The following DZIP3 variants were observed in gnomAD, a reference collection of about 807,000 sequenced individuals.
DZIP3 encodes the protein E3 ubiquitin-protein ligase DZIP3.
In DZIP3, 118 loss-of-function variants were observed where a neutral mutation model predicts 162.0. The ratio of observed to expected loss-of-function variants is 0.73; its 90% CI spans 0.63 to 0.85. The LOEUF (loss-of-function observed/expected upper bound fraction) is 0.85, where lower values mean the gene tolerates loss of function less well. Ranked by LOEUF, DZIP3 falls within the 40% of genes least tolerant of loss-of-function variation. The pLI is 0.00. For missense variants in DZIP3, 1,331 were observed against 1,407.0 expected (o/e 0.95, Z 0.86); for synonymous variants, 438 against 458.6 (o/e 0.96, Z 0.57).
intron 19 of DZIP3, among the ~76,000 whole-genome samples, chr3:108,661,071 A>G (rs1171190933): frequency 1.3e-5 from 2 of 152,214 alleles, no homozygotes; most frequent in South Asian, 2.1e-4. Flanking sequence ...GTGGAAGTCC[A>G]TGTGGCGATT....
intron 16 of DZIP3, 126 bp downstream of exon 16, chr3:108,648,238 T>G: frequency 1.2e-6 from 1 of 833,406 alleles, no homozygotes; most frequent in Non-Finnish European, 1.7e-6. Flanking sequence ...ATACAGAGCT[T>G]GAATTGGAAT....
At chr3:108,688,364 T>G (rs1356689403) in intron 29 of DZIP3, among the ~76,000 whole-genome samples, 4 of 152,218 alleles carry the variant, frequency 2.6e-5, no homozygotes, top group Non-Finnish European at 5.9e-5. Context: ...GGAGAGATTT[T>G]CTAATTTTCT....
chr3:108,627,939 C>T (rs942377479), intron 7 of DZIP3, among the ~76,000 whole-genome samples: 3 of 152,026 alleles, frequency 2.0e-5, no homozygotes, highest in Admixed American at 1.3e-4. Flanking sequence ...AGTGCTGTGG[C>T]GCGATCTCGG....
chr3:108,686,427 G>A lies in DZIP3; in HGVS notation c.3010-18G>A. Reference sequence around the variant, plus strand: ...TAATAATTAAACCTGCTGGGCTATAGCTCTCTGCCTCTTACAGATGACTGG... The same window carrying A: ...TAATAATTAAACCTGCTGGGCTATAACTCTCTGCCTCTTACAGATGACTGG... On this transcript the variant is annotated intron_variant, in intron 27 of 32. Transcript: ENST00000361582. The A allele has an allele frequency of 6.5e-7, 1 of 1,547,346 alleles. No homozygotes were observed. The highest frequency in any genetic ancestry group is 8.7e-7 in the Non-Finnish European group (1 of 1,152,562).
Position 108,629,168 on chromosome 3 carries a change from A to G in DZIP3, c.688A>G (p.Thr230Ala), listed in dbSNP as rs763550402. ...TACAGAAGATGAAGATTTACCTACAACTTTTAAAGTAAGAAATTATTTAAG... is the reference window on the plus strand; with the variant it reads ...TACAGAAGATGAAGATTTACCTACAGCTTTTAAAGTAAGAAATTATTTAAG... ...DPTEDEDLPT[T>A]FKDLLNNFIK... is the part of the protein sequence containing the mutation. Residue 230 changes from threonine (T) to alanine (A), a missense_variant, in exon 8 of 33, where the codon ACT (threonine) becomes GCT (alanine). By Grantham distance (58) the Thr-to-Ala change is moderately conservative. Around this residue, in one of 2 missense-constraint regions of DZIP3, gnomAD observed 1,278 missense variants for 1,317.1 expected, o/e 0.97. Transcript: ENST00000361582. 1.7e-5 allele frequency: 27 copies of G among 1,561,222 alleles called. No homozygotes were observed. The East Asian group carries it at 5.8e-4, about 33-fold the overall frequency.
Position 108,677,564 on chromosome 3 carries a change from A to C in DZIP3, c.2849A>C (p.Gln950Pro). The change falls in exon 26 of 33, where the codon CAG (glutamine) becomes CCG (proline). Residue 950 changes from glutamine to proline, a missense_variant. Around this residue, in one of 2 missense-constraint regions of DZIP3, gnomAD observed 1,278 missense variants for 1,317.1 expected, o/e 0.97. Coordinates refer to ENST00000361582, the MANE Select transcript of DZIP3 (RefSeq NM_014648.4). ...GFALSTLPPVQLPPPPPSPEI... is the reference protein window; with the variant it reads ...GFALSTLPPVPLPPPPPSPEI... ...GCCTTGAGTACCTTGCCTCCAGTCCAGCTTCCTCCTCCACCACCCAGTCCT... is the reference window on the plus strand; with the variant it reads ...GCCTTGAGTACCTTGCCTCCAGTCCCGCTTCCTCCTCCACCACCCAGTCCT... 6.2e-7 allele frequency: 1 copy of C among 1,612,708 alleles called. No homozygotes were observed. The highest frequency in any genetic ancestry group is 8.5e-7 in the Non-Finnish European group (1 of 1,179,020).
At chr3:108,654,346 A>G in intron 19 of DZIP3, 36 bp downstream of exon 19, 4 of 1,610,814 alleles carry the variant, frequency 2.5e-6, no homozygotes, top group Non-Finnish European at 2.5e-6. Context: ...GCCTTCTCTT[A>G]TTGTTATCTG....
At chr3:108,625,363 A>G (rs1941545387) in intron 6 of DZIP3, among the ~76,000 whole-genome samples, 1 of 152,228 alleles carries the variant, frequency 6.6e-6, no homozygotes. Context: ...ATGATAAAGA[A>G]TTGTGCTCTA....
chr3:108,656,077 A>G (rs1175189130), intron 19 of DZIP3, among the ~76,000 whole-genome samples: 5 of 152,210 alleles, frequency 3.3e-5, no homozygotes, highest in Non-Finnish European at 7.3e-5. Flanking sequence ...GGCAGGGCAT[A>G]GGCAAACAAA....
chr3:108,655,305 C>T (rs1489552329), intron 19 of DZIP3, among the ~76,000 whole-genome samples: 1 of 152,192 alleles, frequency 6.6e-6, no homozygotes, highest in East Asian at 1.9e-4. Context: ...GAACATTAAA[C>T]TCAGATGATA....
intron 4 of DZIP3, among the ~76,000 whole-genome samples, chr3:108,614,063 A>G (rs1417371287): frequency 6.6e-6 from 1 of 152,240 alleles, no homozygotes; most frequent in East Asian, 1.9e-4. Flanking sequence ...TAAGCATGAC[A>G]TTCAAGAAGT....
At position 108,688,711 on chromosome 3, in the gene DZIP3, C is replaced by T. The variant is rs1205251441; in HGVS notation, c.3389C>T (p.Ala1130Val). 1.2e-6 allele frequency: 2 copies of T among 1,613,924 alleles called. No individual in the cohort carries two copies. The highest frequency in any genetic ancestry group is 3.3e-5 in the Admixed American group (2 of 59,994). Reference sequence around the variant, plus strand: ...AGGCCACTCACTTCACAGGGTCCTGCCACATGGGAAGGAGCCAGTAATCCA... The same window carrying T: ...AGGCCACTCACTTCACAGGGTCCTGTCACATGGGAAGGAGCCAGTAATCCA... Reference protein sequence around the residue: ...AWRPLTSQGPATWEGASNPDE... With the variant: ...AWRPLTSQGPVTWEGASNPDE... Residue 1130 changes from alanine to valine, a missense_variant, in exon 30 of 33, where the codon GCC becomes GTC. Physicochemically the swap from Ala to Val is moderately conservative, Grantham distance 64 (BLOSUM62 0). Transcript: ENST00000361582.
At chr3:108,689,847 A>G (rs1944627016) in intron 31 of DZIP3, among the ~76,000 whole-genome samples, 1 of 152,232 alleles carries the variant, frequency 6.6e-6, no homozygotes, top group Non-Finnish European at 1.5e-5. Flanking sequence ...AGGAAAAGGT[A>G]GTCATAGTAA....
chr3:108,649,587 A>G (rs937954264), intron 17 of DZIP3, among the ~76,000 whole-genome samples: 3 of 151,792 alleles, frequency 2.0e-5, no homozygotes, highest in Non-Finnish European at 3.0e-5. Context: ...CTTTGTGGTG[A>G]AAAAAATTGT....
At chr3:108,622,942 G>A (rs947373547) in intron 5 of DZIP3, among the ~76,000 whole-genome samples, 1 of 148,590 alleles carries the variant, frequency 6.7e-6, no homozygotes, top group Non-Finnish European at 1.5e-5. Context: ...AAGCATTCTT[G>A]TGGCCACGAC....
At chr3:108,659,771 A>G (rs370897586) in intron 19 of DZIP3, among the ~76,000 whole-genome samples, 1 of 152,252 alleles carries the variant, frequency 6.6e-6, no homozygotes, top group Non-Finnish European at 1.5e-5. Flanking sequence ...CCTTAAGCTG[A>G]TAAGCAACTT....
intron 1 of DZIP3, among the ~76,000 whole-genome samples, chr3:108,598,300 A>G (rs1336875630): frequency 1.3e-5 from 2 of 152,216 alleles, no homozygotes; most frequent in African/African-American, 2.4e-5. Flanking sequence ...ATGAGACTCT[A>G]TAAGCCTCAG....
At chr3:108,666,855 T>C (rs2107325461) in intron 21 of DZIP3, among the ~76,000 whole-genome samples, 1 of 152,186 alleles carries the variant, frequency 6.6e-6, no homozygotes, top group African/African-American at 2.4e-5. Context: ...ATACAATATG[T>C]CAAAATTTGT....
chr3:108,686,336 T>TTCTC, intron 27 of DZIP3, 109 bp from the exon 28 acceptor site: 1 of 1,028,766 alleles, frequency 9.7e-7, no homozygotes, highest in East Asian at 2.8e-5. Flanking sequence ...ACTGTAAAAA[T>TTCTC]TGAATGTGTA....
Sources: gnomAD v4.1 joint callset for allele counts (sites outside exome capture counted in the v4.1 genomes callset) on GRCh38, gnomAD v4.1.1 for gene constraint, gnomAD v4.1.1 regional missense constraint, MANE v1.5 for transcripts, NCBI Gene and HGNC (gene_info 2026-07-23, HGNC 2026-07-21) for gene names.